The following GYG1 variants were observed in gnomAD, a reference collection of about 807,000 sequenced individuals.
The protein encoded by GYG1 is glycogenin 1.
GYG1 carries 44 observed loss-of-function variants against 41.9 expected under a neutral mutation model. That is an observed-to-expected ratio of 1.05 (90% confidence interval 0.83 to 1.35). The LOEUF is 1.35. Among genes scored for constraint, GYG1 ranks in the 40% most tolerant of loss-of-function variants. The pLI is 0.00. For synonymous variants in GYG1, 141 were observed against 158.1 expected, an observed-to-expected ratio of 0.89 and a Z score of 0.81; for missense variants, 429 against 418.9, an observed-to-expected ratio of 1.02 and a Z score of -0.21.
intron 5 of GYG1, among the ~76,000 whole-genome samples, chr3:149,013,475 A>C (rs749820927): frequency 7.9e-5 from 12 of 152,194 alleles, no homozygotes; most frequent in Non-Finnish European, 1.3e-4. Context: ...CCACTACATA[A>C]ATTAATTGGT....
chr3:148,992,240 G>A (rs1712529939), intron 1 of GYG1: 1 of 157,618 alleles, frequency 6.3e-6, no homozygotes, highest in Non-Finnish European at 1.4e-5. Flanking sequence ...GGAGGGCGCC[G>A]GCTTTGGCTT....
intron 2 of GYG1, among the ~76,000 whole-genome samples, chr3:148,994,625 A>G (rs568436391): frequency 6.4e-4 from 97 of 152,324 alleles, no homozygotes; most frequent in African/African-American, 2.3e-3. Context: ...GTCACAATTC[A>G]TGGACATTCC....
chr3:149,003,391 C>T (rs1165811807), intron 4 of GYG1, among the ~76,000 whole-genome samples: 2 of 152,146 alleles, frequency 1.3e-5, no homozygotes, highest in East Asian at 3.9e-4. Flanking sequence ...GCTGGGATTA[C>T]AGGTGTGAGT....
chr3:149,015,430 C>T (rs1212289160), intron 5 of GYG1, among the ~76,000 whole-genome samples: 7 of 151,916 alleles, frequency 4.6e-5, no homozygotes, highest in South Asian at 4.2e-4. Context: ...ATAATAGGGA[C>T]AAGAGAATAG....
chr3:149,004,307 G>C (rs1350418841), intron 4 of GYG1, among the ~76,000 whole-genome samples: 1 of 152,182 alleles, frequency 6.6e-6, no homozygotes, highest in Non-Finnish European at 1.5e-5. Context: ...GCCTCTAGAA[G>C]TCTGACTAAA....
chr3:148,992,514 T>G (rs541932527), intron 1 of GYG1: 1 of 152,388 alleles, frequency 6.6e-6, no homozygotes, highest in Non-Finnish European at 1.5e-5. Flanking sequence ...TTATTTAATC[T>G]TGGAAATCAT....
intron 4 of GYG1, 81 bp downstream of exon 4, chr3:148,996,985 G>A (rs1712836585): frequency 1.8e-6 from 2 of 1,083,742 alleles, no homozygotes; most frequent in Non-Finnish European, 2.8e-6. Flanking sequence ...TATAATTGCT[G>A]TGGTTTATTC....
At chr3:149,000,583 C>T (rs1275392442) in intron 4 of GYG1, among the ~76,000 whole-genome samples, 2 of 152,142 alleles carry the variant, frequency 1.3e-5, no homozygotes, top group Admixed American at 6.5e-5. Flanking sequence ...TTTCTTTTCC[C>T]CTGTGACTAA....
chr3:149,021,743 C>A (rs962540741), intron 5 of GYG1, among the ~76,000 whole-genome samples: 1 of 151,678 alleles, frequency 6.6e-6, no homozygotes, highest in Non-Finnish European at 1.5e-5. Context: ...CTGATGATAG[C>A]TTTTTAACCA....
At chr3:149,010,798 T>G (rs1231500238) in intron 5 of GYG1, among the ~76,000 whole-genome samples, 2 of 152,212 alleles carry the variant, frequency 1.3e-5, no homozygotes, top group Admixed American at 6.5e-5. Flanking sequence ...CTGAGACAGT[T>G]GTGAGCAGCA....
chr3:149,013,535 T>C (rs1332189509), intron 5 of GYG1, among the ~76,000 whole-genome samples: 1 of 152,204 alleles, frequency 6.6e-6, no homozygotes, highest in South Asian at 2.1e-4. Flanking sequence ...TATAAATATT[T>C]TGTTTTACCC....
intron 5 of GYG1, among the ~76,000 whole-genome samples, chr3:149,009,723 G>A (rs1265467603): frequency 6.6e-6 from 1 of 152,206 alleles, no homozygotes; most frequent in East Asian, 1.9e-4. Flanking sequence ...ACTTGGAGGA[G>A]CTGAGTTTGT....
Position 149,015,430 on chromosome 3 carries a change from CAA to C in GYG1, c.608+6029_608+6030del, listed in dbSNP as rs375859436. Among the ~76,000 whole-genome samples, 38 of 152,034 alleles carry C rather than the reference CAA, an allele frequency of 2.5e-4. 1 individual carries two copies. The highest frequency in any genetic ancestry group is 9.2e-4 in the African/African-American group (38 of 41,450). On this transcript the variant is annotated intron_variant, in intron 5 of 7. Coordinates refer to ENST00000345003, the MANE Select transcript of GYG1 (RefSeq NM_004130.4). ...CCCAATGGCAGGAAGATAATAGGGA[CAA>C]GAGAATAGAAGAATAGGAACAAGAG... is the stretch of plus-strand genomic sequence containing the variant.
chr3:149,015,836 T>G (rs1336139489), intron 5 of GYG1, among the ~76,000 whole-genome samples: 2 of 152,118 alleles, frequency 1.3e-5, no homozygotes. Context: ...CCACAGCATG[T>G]TTTTGTATTG....
rs1714998224 is a variant in GYG1, at chr3:149,031,155, AAG to A, written c.*4223_*4224del. 1 of 152,408 alleles carries A rather than the reference AAG, an allele frequency of 6.6e-6. No homozygotes were observed. Among genetic ancestry groups the A allele is most frequent in the South Asian group, 2.1e-4 (1 of 4,834 alleles). The allele number at this position is 152,408 out of a possible 1,614,324, so 9.4% of individuals were successfully genotyped here. A position where few individuals can be genotyped will look rare whatever the true frequency, so the allele number is the denominator to read the frequency against. On this transcript the variant is annotated 3_prime_UTR_variant, in exon 8 of 8. Transcript: ENST00000345003. ...CAAATAAGTTTGCTTATTAACAAAA[AAG>A]TAAAAAAAAAAGAAAAGAAAAAAGA...
chr3:149,008,220 C>T (rs1466164594), intron 4 of GYG1: 1 of 152,202 alleles, frequency 6.6e-6, no homozygotes, highest in African/African-American at 2.4e-5. Context: ...CTCTCTTTTA[C>T]TTTTTGATTC....
Position 148,994,349 on chromosome 3 carries a change from A to G in GYG1, c.143+72A>G, listed in dbSNP as rs570257171. 10 of 1,479,068 alleles carry G rather than the reference A, an allele frequency of 6.8e-6. No individual in the cohort carries two copies. In the South Asian group the frequency reaches 9.1e-5, roughly 13 times the overall value. The allele number at this position is 1,479,068 out of a possible 1,614,324, so 91.6% of individuals were successfully genotyped here. A position where few individuals can be genotyped will look rare whatever the true frequency, so the allele number is the denominator to read the frequency against. On this transcript the variant is annotated intron_variant, in intron 2 of 7. Coordinates refer to ENST00000345003, the MANE Select transcript of GYG1 (RefSeq NM_004130.4). ...TTCTCCCTGTTGCTGACATCATTGG[A>G]CATTGAGGCCATGCTCTTTTCAGGA...
At chr3:149,016,953 G>T (rs1714084341) in intron 5 of GYG1, among the ~76,000 whole-genome samples, 1 of 152,162 alleles carries the variant, frequency 6.6e-6, no homozygotes, top group Admixed American at 6.5e-5. Flanking sequence ...TGACATTGCT[G>T]CCATGATTCC....
chr3:149,009,075 C>G, intron 4 of GYG1: 2 of 512,828 alleles, frequency 3.9e-6, no homozygotes, highest in Non-Finnish European at 6.9e-6. Context: ...AGGAGAATTG[C>G]TTGAACCCAG....
Sources: allele counts gnomAD v4.1 joint callset (sites outside exome capture counted in the v4.1 genomes callset), GRCh38; gene constraint gnomAD v4.1.1; transcripts MANE v1.5; gene names NCBI Gene and HGNC (gene_info 2026-07-23, HGNC 2026-07-21).